LGALSL: variants seen among roughly 807,000 people sequenced by gnomAD.
The protein encoded by LGALSL is galectin-related protein.
A neutral mutation model predicts 19.5 loss-of-function variants in LGALSL; 13 were observed. That is an observed-to-expected ratio of 0.67 (90% CI 0.43 to 1.06). The LOEUF is 1.06. Among genes scored for constraint, LGALSL ranks in the 50% least tolerant of loss-of-function variants. The probability of loss-of-function intolerance (pLI) is 0.00; values close to 1 mark genes in which losing one functional copy is unlikely to be tolerated. For missense variants in LGALSL, 189 were observed against 219.3 expected, an observed-to-expected ratio of 0.86 and a Z score of 0.87; for synonymous variants, 86 against 78.3, an observed-to-expected ratio of 1.10 and a Z score of -0.52.
chr2:64,455,279 G>T, intron 1 of LGALSL, 65 bp from the exon 2 acceptor site: 1 of 1,030,380 alleles, frequency 9.7e-7, no homozygotes, highest in Non-Finnish European at 1.5e-6. Context: ...CATCTGTGTG[G>T]GTTCTTCCTC....
chr2:64,454,633 C>G lies in LGALSL; in HGVS notation c.36+52C>G. The G allele has an allele frequency of 8.0e-7, 1 of 1,254,270 alleles. No individual in the cohort carries two copies. Among genetic ancestry groups the G allele is most frequent in the Non-Finnish European group, 1.0e-6 (1 of 980,276 alleles). The allele number at this position is 1,254,270 out of a possible 1,614,324, so 77.7% of individuals were successfully genotyped here. A position where few individuals can be genotyped will look rare whatever the true frequency, so the allele number is the denominator to read the frequency against. On this transcript the variant is annotated intron_variant, in intron 1 of 4. Transcript: ENST00000238875. This position sits in a 1 kb window ranked among gnomAD's most constrained non-coding sequence, Gnocchi z 5.1. ...CGCCCCTCCCCGCCGTCCCGCACTC[C>G]GCCGCCGCCTGCTCCAGCAGTGCTG...
rs1266000399 is a variant in LGALSL at position 64,454,609 on chromosome 2, GC to G, written c.36+32del. 2.9e-6 allele frequency: 4 copies of G among 1,371,742 alleles called. No homozygotes were observed. The highest frequency in any genetic ancestry group is 1.6e-5 in the South Asian group (1 of 61,474). 85.0% of individuals were successfully genotyped at this position (1,371,742 alleles called of 1,614,324 possible). ...GAGTGTGGCAGGGCGCGCGCGAGGCGCCCCTCCCCGCCGTCCCGCACTCCGC... is the reference window on the plus strand; with the variant it reads ...GAGTGTGGCAGGGCGCGCGCGAGGCGCCCTCCCCGCCGTCCCGCACTCCGC... On this transcript the variant is annotated intron_variant, in intron 1 of 4. Coordinates refer to ENST00000238875, the MANE Select transcript of LGALSL (RefSeq NM_014181.3). This position sits in a 1 kb window ranked among gnomAD's most constrained non-coding sequence, Gnocchi z 5.1.
At position 64,459,135 on chromosome 2, in the gene LGALSL, G is replaced by C. The variant is rs1315884986; in HGVS notation, c.*707G>C. The C allele has an allele frequency of 6.6e-6, 1 of 152,158 alleles. No individual in the cohort carries two copies. The highest frequency in any genetic ancestry group is 1.5e-5 in the Non-Finnish European group (1 of 68,034). The allele number at this position is 152,158 out of a possible 1,614,324, so 9.4% of individuals were successfully genotyped here. A position where few individuals can be genotyped will look rare whatever the true frequency, so the allele number is the denominator to read the frequency against. ...AGATTCTCCATACCCCTAAACTTAG[G>C]ATCTCTTGATATAAACTGCTGTAAG... On this transcript the variant is annotated 3_prime_UTR_variant, in exon 5 of 5. Transcript: ENST00000238875.
rs756543906 is a variant in LGALSL at position 64,456,402 on chromosome 2, G to A, written c.312G>A (p.Gly104=). 1.2e-6 allele frequency: 2 copies of A among 1,611,084 alleles called. No homozygotes were observed. Among genetic ancestry groups the A allele is most frequent in the African/African-American group, 2.7e-5 (2 of 74,750 alleles). The part of the protein sequence containing the change: ...RQLLRNSCIS[G]ERGEEQSAIP... ...TACTCAGAAATTCTTGTATATCTGGGGAGAGGGGTGAAGAACAGTCAGCAA... is the reference window on the plus strand; with the variant it reads ...TACTCAGAAATTCTTGTATATCTGGAGAGAGGGGTGAAGAACAGTCAGCAA... Residue 104 remains glycine, a synonymous_variant, in exon 4 of 5, where the codon GGG becomes GGA. Coordinates refer to ENST00000238875, the MANE Select transcript of LGALSL (RefSeq NM_014181.3).
chr2:64,454,549 G>C lies in LGALSL; in HGVS notation c.4G>C (p.Ala2Pro). 6.9e-7 allele frequency: 1 copy of C among 1,448,016 alleles called. No homozygotes were observed. Among genetic ancestry groups the C allele is most frequent in the Non-Finnish European group, 9.1e-7 (1 of 1,096,914 alleles). 89.7% of individuals were successfully genotyped at this position (1,448,016 alleles called of 1,614,324 possible). ...CCCCGCCGCGCCGGGCAAGAAGATG[G>C]CGGGATCAGTGGCCGACAGCGATGC... M[A>P]GSVADSDAVV... The change falls in exon 1 of 5, where the codon GCG (alanine) becomes CCG (proline). Residue 2 changes from alanine (A) to proline (P), a missense_variant. Ala to Pro is a conservative substitution (Grantham distance 27). Around this residue, in one of 3 missense-constraint regions of LGALSL, gnomAD observed 62 missense variants for 49.0 expected, o/e 1.27. Coordinates refer to ENST00000238875, the MANE Select transcript of LGALSL (RefSeq NM_014181.3). This position sits in a 1 kb window ranked among gnomAD's most constrained non-coding sequence, Gnocchi z 5.1.
rs756341891 is a variant in LGALSL, at chr2:64,454,557, A to G, written c.12A>G (p.Ser4=). The G allele has an allele frequency of 8.3e-6, 12 of 1,448,424 alleles. No individual in the cohort carries two copies. The East Asian group carries it at 3.0e-4, about 36-fold the overall frequency. 89.7% of individuals were successfully genotyped at this position (1,448,424 alleles called of 1,614,324 possible). The change falls in exon 1 of 5, where the codon TCA becomes TCG. Residue 4 remains serine (S), a synonymous_variant. Transcript: ENST00000238875. The surrounding 1 kb of genome is among the most constrained non-coding windows in gnomAD (Gnocchi z 5.1). ...CGCCGGGCAAGAAGATGGCGGGATC[A>G]GTGGCCGACAGCGATGCCGTGGTGG... is the stretch of plus-strand genomic sequence containing the variant. MAG[S]VADSDAVVKL... is the part of the protein sequence containing the mutation.
Position 64,454,357 on chromosome 2 carries a change from T to C in LGALSL, c.-189T>C. ...CCCAGCTCGCGCTGCCTCCCTCCCC[T>C]CCCCTCCTCCCAGGCTCTGCCTGCC... On this transcript the variant is annotated 5_prime_UTR_variant, in exon 1 of 5. Coordinates refer to ENST00000238875, the MANE Select transcript of LGALSL (RefSeq NM_014181.3). The surrounding 1 kb of genome is among the most constrained non-coding windows in gnomAD (Gnocchi z 5.1). 2.6e-6 allele frequency: 1 copy of C among 382,642 alleles called. No homozygotes were observed. Among genetic ancestry groups the C allele is most frequent in the Non-Finnish European group, 4.6e-6 (1 of 218,800 alleles). 23.7% of individuals were successfully genotyped at this position (382,642 alleles called of 1,614,324 possible).
intron 4 of LGALSL, 118 bp downstream of exon 4, chr2:64,456,583 C>A: frequency 2.6e-6 from 2 of 762,118 alleles, no homozygotes; most frequent in South Asian, 2.4e-5. Context: ...GGAAATTTGT[C>A]ACCCAATGGT....
chr2:64,455,919 G>A (rs570455244), intron 3 of LGALSL, among the ~76,000 whole-genome samples: 14 of 127,024 alleles, frequency 1.1e-4, no homozygotes, highest in African/African-American at 4.4e-4. Context: ...CCCTTAGGGA[G>A]GCCAGAGGAT....
In LGALSL at chr2:64,459,329, AGTT is replaced by A. The variant is rs1246441901; in HGVS notation, c.*905_*907del. The A allele has an allele frequency of 6.6e-6, 1 of 152,220 alleles. No homozygotes were observed. The highest frequency in any genetic ancestry group is 1.9e-4 in the East Asian group (1 of 5,202). 9.4% of individuals were successfully genotyped at this position (152,220 alleles called of 1,614,324 possible). ...TCTTGATTTATATAATAGCTCATTA[AGTT>A]GTTATTAATCAAAAACACAAAGAGG... On this transcript the variant is annotated 3_prime_UTR_variant, in exon 5 of 5. Coordinates refer to ENST00000238875, the MANE Select transcript of LGALSL (RefSeq NM_014181.3).
chr2:64,457,564 A>G (rs374666032), intron 4 of LGALSL, among the ~76,000 whole-genome samples: 1 of 152,254 alleles, frequency 6.6e-6, no homozygotes, highest in African/African-American at 2.4e-5. Context: ...TGTGAGCCCA[A>G]TAAAACACAA....
At position 64,460,088 on chromosome 2, in the gene LGALSL, CAG is replaced by C. The variant is rs1686794573; in HGVS notation, c.*1661_*1662del. ...CATTTTCAAGTGTCAAGAATGTAGA[CAG>C]TGTTTCAGTACCAAAGTCTAAAATA... On this transcript the variant is annotated 3_prime_UTR_variant, in exon 5 of 5. Coordinates refer to ENST00000238875, the MANE Select transcript of LGALSL (RefSeq NM_014181.3). 6.6e-6 allele frequency: 1 copy of C among 150,984 alleles called. No individual in the cohort carries two copies. The allele number at this position is 150,984 out of a possible 1,614,324, so 9.4% of individuals were successfully genotyped here.
Position 64,459,884 on chromosome 2 carries a change from T to A in LGALSL, c.*1456T>A, listed in dbSNP as rs1686791196. ...CCCTGGAGGGAGGGACCCTTGGCAT[T>A]GCTTTGATCAGGTAGTGAGGGAAGA... On this transcript the variant is annotated 3_prime_UTR_variant, in exon 5 of 5. Transcript: ENST00000238875. 6.6e-6 allele frequency: 1 copy of A among 152,214 alleles called. No homozygotes were observed. The highest frequency in any genetic ancestry group is 1.5e-5 in the Non-Finnish European group (1 of 68,036). The allele number at this position is 152,214 out of a possible 1,614,324, so 9.4% of individuals were successfully genotyped here.
In LGALSL at chr2:64,460,205, A is replaced by G. The variant is rs1686795988; in HGVS notation, c.*1777A>G. On this transcript the variant is annotated 3_prime_UTR_variant, in exon 5 of 5. Transcript: ENST00000238875. ...GCACAGTTCCATTGTATTATATAAGAAGACACTGTATCCAACAAGACTGGC... is the reference window on the plus strand; with the variant it reads ...GCACAGTTCCATTGTATTATATAAGGAGACACTGTATCCAACAAGACTGGC... 6.6e-6 allele frequency: 1 copy of G among 152,208 alleles called. No individual in the cohort carries two copies. The highest frequency in any genetic ancestry group is 2.1e-4 in the South Asian group (1 of 4,832). The allele number at this position is 152,208 out of a possible 1,614,324, so 9.4% of individuals were successfully genotyped here.
In LGALSL at chr2:64,454,393, C is replaced by G. The variant is rs1686692197; in HGVS notation, c.-153C>G. ...CAGGCTCTGCCTGCCAGGTCGGCGC[C>G]GGGCCCCGGGCGCGCGCGCGCGCGC... On this transcript the variant is annotated 5_prime_UTR_variant, in exon 1 of 5. Coordinates refer to ENST00000238875, the MANE Select transcript of LGALSL (RefSeq NM_014181.3). The surrounding 1 kb of genome is among the most constrained non-coding windows in gnomAD (Gnocchi z 5.1). 1.3e-5 allele frequency: 5 copies of G among 382,864 alleles called. No homozygotes were observed. In the South Asian group the frequency reaches 3.8e-4, roughly 29 times the overall value. The allele number at this position is 382,864 out of a possible 1,614,324, so 23.7% of individuals were successfully genotyped here.
intron 4 of LGALSL, among the ~76,000 whole-genome samples, chr2:64,456,735 G>C (rs1006829496): frequency 8.5e-5 from 13 of 152,096 alleles, no homozygotes; most frequent in Non-Finnish European, 1.9e-4. Flanking sequence ...ACTTTTCTAT[G>C]TAGTACCCAA....
chr2:64,458,458 A>C lies in LGALSL; in HGVS notation c.*30A>C, dbSNP rs767772504. 1.3e-6 allele frequency: 2 copies of C among 1,596,438 alleles called. No homozygotes were observed. The highest frequency in any genetic ancestry group is 4.5e-5 in the East Asian group (2 of 44,576). On this transcript the variant is annotated 3_prime_UTR_variant, in exon 5 of 5. Coordinates refer to ENST00000238875, the MANE Select transcript of LGALSL (RefSeq NM_014181.3). ...AACCACCTCTATTTCAAATAGGATC[A>C]CGTGCCACAACTATCTGACTGTTGG...
rs775538235 is a variant in LGALSL at position 64,455,627 on chromosome 2, A to G, written c.147A>G (p.Arg49=). The G allele has an allele frequency of 1.2e-6, 2 of 1,614,122 alleles. No homozygotes were observed. The highest frequency in any genetic ancestry group is 1.7e-6 in the Non-Finnish European group (2 of 1,179,960). Residue 49 remains arginine (R), a synonymous_variant, in exon 3 of 5, where the codon AGA becomes AGG. Coordinates refer to ENST00000238875, the MANE Select transcript of LGALSL (RefSeq NM_014181.3). ...GTGGGCACATTAAAGGTGGCATGAG[A>G]CCAGGCAAGAAGGTGTTAGTGATGG... ...PFCGHIKGGM[R]PGKKVLVMGI... is the part of the protein sequence containing the mutation.
chr2:64,457,396 C>T (rs1251992180), intron 4 of LGALSL, among the ~76,000 whole-genome samples: 1 of 151,660 alleles, frequency 6.6e-6, no homozygotes, highest in East Asian at 1.9e-4. Context: ...TGCACTCCAG[C>T]CTGGGTGACA....
Sources: gnomAD v4.1 joint callset for allele counts (sites outside exome capture counted in the v4.1 genomes callset) on GRCh38, gnomAD v4.1.1 for gene constraint, gnomAD v4.1.1 regional missense constraint, Gnocchi (gnomAD v3.1) non-coding constraint, MANE v1.5 for transcripts, NCBI Gene and HGNC (gene_info 2026-07-23, HGNC 2026-07-21) for gene names.